The following CLUH variants were observed in gnomAD, a reference collection of about 807,000 sequenced individuals.
The protein encoded by CLUH is clustered mitochondria protein homolog.
In CLUH, 77 loss-of-function variants were observed where a neutral mutation model predicts 139.3. That is an observed-to-expected ratio of 0.55 (90% confidence interval 0.46 to 0.67). The LOEUF is 0.67. Among genes scored for constraint, CLUH ranks in the 30% least tolerant of loss-of-function variants. The pLI is 0.00. For synonymous variants in CLUH, 999 were observed against 801.6 expected (o/e 1.25, Z -4.16); for missense variants, 1,876 against 1,875.8 (o/e 1.00, Z 0.00).
chr17:2,701,833 G>A (rs2070193414), intron 4 of CLUH, 81 bp downstream of exon 4: 3 of 1,588,284 alleles, frequency 1.9e-6, no homozygotes, highest in Admixed American at 3.5e-5. Flanking sequence ...TCAGGCCCAG[G>A]CCCCTCGGCC....
Position 2,690,650 on chromosome 17 carries a change from C to T in CLUH, c.3991G>A (p.Asp1331Asn), listed in dbSNP as rs529291178. 4.2e-5 allele frequency: 65 copies of T among 1,531,966 alleles called. 2 individuals are homozygous for T. The South Asian group carries it at 7.2e-4, about 17-fold the overall frequency. 94.9% of individuals were successfully genotyped at this position (1,531,966 alleles called of 1,614,324 possible). ...TEPAPAGAPGDLGSQPPAAKD... is the reference protein window; with the variant it reads ...TEPAPAGAPGNLGSQPPAAKD... ...GCAGCCGGGGGCTGGGAGCCCAGGT[C>T]TCCTGGGGCCCCCGCTGGCGCGGGC... Residue 1331 changes from aspartate (D) to asparagine (N), a missense_variant, in exon 26 of 26, where the codon GAC becomes AAC. Coordinates refer to ENST00000651024, the MANE Select transcript of CLUH (RefSeq NM_001366661.1).
At position 2,706,011 on chromosome 17, in the gene CLUH, T is replaced by G. The variant is rs2070339481; in HGVS notation, c.101-1447A>C. On this transcript the variant is annotated intron_variant, in intron 1 of 25. Coordinates refer to ENST00000651024, the MANE Select transcript of CLUH (RefSeq NM_001366661.1). This position sits in a 1 kb window ranked among gnomAD's most constrained non-coding sequence, Gnocchi z 4.6. ...CATGGGCCAGGCTCACCTGCCTGGC[T>G]TGGCTTGAAGTTCAACGGTCCCAAC... Among the ~76,000 whole-genome samples, 1 of 150,812 alleles carries G rather than the reference T, an allele frequency of 6.6e-6. No homozygotes were observed. The highest frequency in any genetic ancestry group is 1.5e-5 in the Non-Finnish European group (1 of 68,026).
At position 2,695,505 on chromosome 17, in the gene CLUH, C is replaced by T. The variant is rs201703032; in HGVS notation, c.2413G>A (p.Ala805Thr). The stretch of plus-strand genomic sequence containing the variant: ...GTTGCCCCGTCCACGGGCAGGACCG[C>T]GTGCTCCATGCAGTCCTTCACCTGC... ...PGLVKDCMEH[A>T]VLPVDGATLA... The change falls in exon 14 of 26, where the codon GCG becomes ACG. Residue 805 changes from alanine to threonine, a missense_variant. Physicochemically the swap from Ala to Thr is moderately conservative, Grantham distance 58. Around this residue, in one of 3 missense-constraint regions of CLUH, gnomAD observed 1,454 missense variants for 1,384.4 expected, o/e 1.05. Coordinates refer to ENST00000651024, the MANE Select transcript of CLUH (RefSeq NM_001366661.1). 341 of 1,605,244 alleles carry T rather than the reference C, an allele frequency of 2.1e-4. No individual in the cohort carries two copies. Among genetic ancestry groups the T allele is most frequent in the Admixed American group, 6.8e-4 (41 of 59,896 alleles).
In CLUH at chr17:2,694,133, T is replaced by C; in HGVS notation, c.3081A>G (p.Lys1027=). The C allele has an allele frequency of 6.2e-7, 1 of 1,613,674 alleles. No individual in the cohort carries two copies. The highest frequency in any genetic ancestry group is 8.5e-7 in the Non-Finnish European group (1 of 1,179,800). Residue 1027 remains lysine (K), a synonymous_variant, in exon 18 of 26, where the codon AAA becomes AAG. Transcript: ENST00000651024. The part of the protein sequence containing the change: ...AFHFFQSGQA[K]VQQGFLKEGC... ...CACCTGGCCACACACCCTGCTGCAC[T>C]TTGGCCTGCCCGCTCTGGAAGAAAT... is the stretch of plus-strand genomic sequence containing the variant.
Position 2,707,936 on chromosome 17 carries a change from C to A in CLUH, c.101-3372G>T. 2 of 985,446 alleles carry A rather than the reference C, an allele frequency of 2.0e-6. No individual in the cohort carries two copies. The highest frequency in any genetic ancestry group is 2.4e-6 in the Non-Finnish European group (2 of 829,920). The allele number at this position is 985,446 out of a possible 1,614,324, so 61.0% of individuals were successfully genotyped here. ...TTCCCAGAGGACAACTGCACCCGTG[C>A]CCCTGGCCTCCAGGCTCCATCAAGA... On this transcript the variant is annotated intron_variant, in intron 1 of 25. Transcript: ENST00000651024. The surrounding 1 kb of genome is among the most constrained non-coding windows in gnomAD (Gnocchi z 7.4).
In CLUH at chr17:2,696,438, T is replaced by A; in HGVS notation, c.2286A>T (p.Ser762=). The A allele has an allele frequency of 1.9e-6, 3 of 1,586,200 alleles. No homozygotes were observed. Among genetic ancestry groups the A allele is most frequent in the Non-Finnish European group, 1.7e-6 (2 of 1,167,624 alleles). Residue 762 remains serine, a synonymous_variant, in exon 12 of 26, where the codon TCA becomes TCT. Transcript: ENST00000651024. ...TGGCCGGCCCCCACCACCTGCCTGG[T>A]GAGAAGATGTCAGGATTGAAGCGAA... ...FDIRFNPDIF[S]PGVRFPESCQ... is the part of the protein sequence containing the mutation.
At chr17:2,699,036 G>C (rs2070081375) in intron 9 of CLUH, among the ~76,000 whole-genome samples, 1 of 152,062 alleles carries the variant, frequency 6.6e-6, no homozygotes, top group South Asian at 2.1e-4. Flanking sequence ...GACAGAGTGA[G>C]ACTCCATTTC....
At chr17:2,694,808 C>T in intron 16 of CLUH, 49 bp downstream of exon 16, 2 of 1,463,194 alleles carry the variant, frequency 1.4e-6, no homozygotes, top group Non-Finnish European at 1.8e-6. Context: ...GTGGTGGCCG[C>T]CTCATCTGCC....
intron 8 of CLUH, 68 bp downstream of exon 8, chr17:2,700,610 G>A: frequency 2.0e-6 from 3 of 1,526,806 alleles, no homozygotes; most frequent in Non-Finnish European, 2.6e-6. Context: ...CCAGGGAAGT[G>A]CACGGAACCA....
chr17:2,694,091 C>A, intron 18 of CLUH, 32 bp downstream of exon 18: 1 of 1,613,866 alleles, frequency 6.2e-7, no homozygotes, highest in African/African-American at 1.3e-5. Flanking sequence ...TGGGGAACCC[C>A]CACCTCCACC....
rs777318704 is a variant in CLUH, at chr17:2,703,526, G to C, written c.304-37C>G. ...AGGCCCCGCCCACCCCGGTGAGAGA[G>C]CACGTAGCGGGGAGAGAAGGCCCCA... On this transcript the variant is annotated intron_variant, in intron 2 of 25. Coordinates refer to ENST00000651024, the MANE Select transcript of CLUH (RefSeq NM_001366661.1). The surrounding 1 kb of genome is among the most constrained non-coding windows in gnomAD (Gnocchi z 4.2). 6.3e-7 allele frequency: 1 copy of C among 1,598,624 alleles called. No individual in the cohort carries two copies. The highest frequency in any genetic ancestry group is 8.5e-7 in the Non-Finnish European group (1 of 1,170,490).
intron 19 of CLUH, 67 bp from the exon 20 acceptor site, chr17:2,692,927 C>A (rs1377938363): frequency 6.9e-7 from 1 of 1,457,518 alleles, no homozygotes; most frequent in Non-Finnish European, 9.2e-7. Context: ...CCGCCTGGCC[C>A]CGGCCCAGCA....
Position 2,694,977 on chromosome 17 carries a change from C to T in CLUH, c.2732G>A (p.Arg911Lys). Residue 911 changes from arginine (R) to lysine (K), a missense_variant, in exon 16 of 26, where the codon AGG (arginine) becomes AAG (lysine). By Grantham distance (26) the Arg-to-Lys change is conservative. Transcript: ENST00000651024. ...DELVSKKRNK[R>K]RKNRPPGAAD... The stretch of plus-strand genomic sequence containing the variant: ...AGCCCCCGGGGGCCGGTTTTTCCTC[C>T]TCTTATTCCGCTTCTTGGAGACCAG... 6.2e-7 allele frequency: 1 copy of T among 1,613,534 alleles called. No homozygotes were observed. The highest frequency in any genetic ancestry group is 8.5e-7 in the Non-Finnish European group (1 of 1,179,752).
chr17:2,690,512 C>T lies in CLUH; in HGVS notation c.*82G>A, dbSNP rs1597590284. ...AGGAAGAGGGCCTTGCTTCCTCTTCCGCCCGCAGGCTCGCCCCCTTCTCCC... is the reference window on the plus strand; with the variant it reads ...AGGAAGAGGGCCTTGCTTCCTCTTCTGCCCGCAGGCTCGCCCCCTTCTCCC... On this transcript the variant is annotated 3_prime_UTR_variant, in exon 26 of 26. Coordinates refer to ENST00000651024, the MANE Select transcript of CLUH (RefSeq NM_001366661.1). The T allele has an allele frequency of 8.0e-6, 10 of 1,257,290 alleles. No homozygotes were observed. The East Asian group carries it at 3.1e-4, about 39-fold the overall frequency. 77.9% of individuals were successfully genotyped at this position (1,257,290 alleles called of 1,614,324 possible). A position where few individuals can be genotyped will look rare whatever the true frequency, so the allele number is the denominator to read the frequency against.
chr17:2,693,609 G>A (rs554493444), intron 19 of CLUH, among the ~76,000 whole-genome samples: 6 of 146,072 alleles, frequency 4.1e-5, no homozygotes, highest in East Asian at 2.0e-4. Context: ...GTGGGAGCTC[G>A]GTGGCATGCT....
chr17:2,707,885 G>A lies in CLUH; in HGVS notation c.101-3321C>T. 1.0e-6 allele frequency: 1 copy of A among 985,448 alleles called. No individual in the cohort carries two copies. The highest frequency in any genetic ancestry group is 1.2e-6 in the Non-Finnish European group (1 of 829,930). The allele number at this position is 985,448 out of a possible 1,614,324, so 61.0% of individuals were successfully genotyped here. A position where few individuals can be genotyped will look rare whatever the true frequency, so the allele number is the denominator to read the frequency against. On this transcript the variant is annotated intron_variant, in intron 1 of 25. Transcript: ENST00000651024. The surrounding 1 kb of genome is among the most constrained non-coding windows in gnomAD (Gnocchi z 7.4). ...CTTCCTGGGAGTCACTGGTTCTGGTGGAAGGGAGGGGGATGGGCCCCCAGC... is the reference window on the plus strand; with the variant it reads ...CTTCCTGGGAGTCACTGGTTCTGGTAGAAGGGAGGGGGATGGGCCCCCAGC...
At position 2,690,307 on chromosome 17, in the gene CLUH, G is replaced by A. The variant is rs913617630; in HGVS notation, c.*287C>T. On this transcript the variant is annotated 3_prime_UTR_variant, in exon 26 of 26. Coordinates refer to ENST00000651024, the MANE Select transcript of CLUH (RefSeq NM_001366661.1). Reference sequence around the variant, plus strand: ...GCGCACTCGCACACGCCGGCCGGACGGCGGGGGCCGAAGCAACACCTGCCC... The same window carrying A: ...GCGCACTCGCACACGCCGGCCGGACAGCGGGGGCCGAAGCAACACCTGCCC... 11 of 382,706 alleles carry A rather than the reference G, an allele frequency of 2.9e-5. No homozygotes were observed. Among genetic ancestry groups the A allele is most frequent in the Middle Eastern group, 6.5e-4 (1 of 1,534 alleles). The allele number at this position is 382,706 out of a possible 1,614,324, so 23.7% of individuals were successfully genotyped here.
rs375026335 is a variant in CLUH at position 2,701,395 on chromosome 17, G to A, written c.870C>T (p.Thr290=). The change falls in exon 6 of 26, where the codon ACC becomes ACT. Residue 290 remains threonine, a synonymous_variant. Transcript: ENST00000651024. ...ITAEDRQVSI[T]ASTRGFYLNQ... is the part of the protein sequence containing the mutation. Reference sequence around the variant, plus strand: ...TCAGGTAAAAGCCCCGTGTGGACGCGGTGATGCTGACTTGCCGGTCCTCGG... The same window carrying A: ...TCAGGTAAAAGCCCCGTGTGGACGCAGTGATGCTGACTTGCCGGTCCTCGG... The A allele has an allele frequency of 4.6e-4, 748 of 1,609,874 alleles. 3 individuals carry two copies. Among genetic ancestry groups the A allele is most frequent in the Admixed American group, 4.7e-4 (28 of 59,326 alleles).
At position 2,707,439 on chromosome 17, in the gene CLUH, A is replaced by G; in HGVS notation, c.101-2875T>C. 1 of 985,408 alleles carries G rather than the reference A, an allele frequency of 1.0e-6. No homozygotes were observed. Among genetic ancestry groups the G allele is most frequent in the South Asian group, 4.7e-5 (1 of 21,292 alleles). 61.0% of individuals were successfully genotyped at this position (985,408 alleles called of 1,614,324 possible). A position where few individuals can be genotyped will look rare whatever the true frequency, so the allele number is the denominator to read the frequency against. ...ATCCCGCTCAAGGTCGGCCAGAAGG[A>G]CGGCTGTGGGCCAGGAGAACCCGGT... On this transcript the variant is annotated intron_variant, in intron 1 of 25. Coordinates refer to ENST00000651024, the MANE Select transcript of CLUH (RefSeq NM_001366661.1). This position sits in a 1 kb window ranked among gnomAD's most constrained non-coding sequence, Gnocchi z 7.4.
Sources: gnomAD v4.1 joint callset for allele counts (sites outside exome capture counted in the v4.1 genomes callset) on GRCh38, gnomAD v4.1.1 for gene constraint, gnomAD v4.1.1 regional missense constraint, Gnocchi (gnomAD v3.1) non-coding constraint, MANE v1.5 for transcripts, NCBI Gene and HGNC (gene_info 2026-07-23, HGNC 2026-07-21) for gene names.